The following NOX4 variants were observed in gnomAD, a reference collection of about 807,000 sequenced individuals.
NOX4 encodes the protein NADPH oxidase 4.
Under a neutral mutation model 87.6 loss-of-function variants are expected in NOX4, and 69 were observed. The observed-to-expected ratio is 0.79, with a 90% confidence interval of 0.65 to 0.96. The LOEUF (loss-of-function observed/expected upper bound fraction) is 0.96, where lower values mean the gene tolerates loss of function less well. NOX4 is among the 40% of genes least tolerant of loss of function. The pLI, the probability that NOX4 is intolerant of heterozygous loss-of-function variation, is 0.00. For missense variants in NOX4, 680 were observed against 681.5 expected (o/e 1.00, Z 0.02); for synonymous variants, 275 against 238.2 (o/e 1.15, Z -1.42).
chr11:89,326,996 T>C, intron 17 of NOX4, 120 bp from the exon 18 acceptor site: 1 of 879,696 alleles, frequency 1.1e-6, no homozygotes, highest in Non-Finnish European at 1.7e-6. Flanking sequence ...CTATTTTACA[T>C]ATTGAAAACA....
intron 17 of NOX4, among the ~76,000 whole-genome samples, chr11:89,335,445 CA>C (rs968148772): frequency 4.8e-4 from 73 of 151,808 alleles, no homozygotes; most frequent in African/African-American, 1.6e-3. Context: ...AAAAAAGGTA[CA>C]AAAAATGTGA....
intron 7 of NOX4, among the ~76,000 whole-genome samples, chr11:89,424,658 C>T (rs529785768): frequency 6.6e-6 from 1 of 151,756 alleles, no homozygotes; most frequent in South Asian, 2.1e-4. Context: ...AATTTGAGTT[C>T]ATATTAGTAA....
At chr11:89,511,817 C>T in the NOX4 span, among the ~76,000 whole-genome samples, 1 of 151,986 alleles carries the variant, frequency 6.6e-6, no homozygotes, top group Non-Finnish European at 1.5e-5. Flanking sequence ...AGCCACTCTC[C>T]AGATTTCTCT....
At chr11:89,536,127 C>CTGGTCCT in the NOX4 span, among the ~76,000 whole-genome samples, 863 of 142,282 alleles carry the variant, frequency 6.1e-3, 3 homozygotes, top group Non-Finnish European at 9.3e-3. Flanking sequence ...CTTTCTTGAT[C>CTGGTCCT]TGGTCCTTTT....
At chr11:89,523,680 A>C in the NOX4 span, among the ~76,000 whole-genome samples, 1 of 152,224 alleles carries the variant, frequency 6.6e-6, no homozygotes, top group Non-Finnish European at 1.5e-5. Context: ...ATGACTGTTC[A>C]TGGTGGCTTT....
intron 2 of NOX4, among the ~76,000 whole-genome samples, chr11:89,457,505 G>A (rs564281802): frequency 2.4e-4 from 36 of 152,206 alleles, no homozygotes; most frequent in African/African-American, 8.4e-4. Context: ...TCAGCCCCCC[G>A]AGTGAATCAG....
At chr11:89,550,097 T>G in the NOX4 span, among the ~76,000 whole-genome samples, 1 of 152,190 alleles carries the variant, frequency 6.6e-6, no homozygotes, top group African/African-American at 2.4e-5. Context: ...ATGCTGGAAC[T>G]AATTTACACT....
rs147517660 is a variant in NOX4 at position 89,473,267 on chromosome 11, C to T, written c.153+17191G>A. On this transcript the variant is annotated intron_variant, in intron 2 of 17. Transcript: ENST00000263317. ...TGGTTGACTAGATAACTGAAACAGG[C>T]CTTGTGTCTCCTACATCATGGGTTC... 2.6e-5 allele frequency among the ~76,000 whole-genome samples: 4 copies of T among 152,226 alleles called. No homozygotes were observed. The East Asian group carries it at 7.7e-4, about 29-fold the overall frequency.
chr11:89,409,349 G>C (rs1487182514), intron 8 of NOX4, among the ~76,000 whole-genome samples: 2 of 152,054 alleles, frequency 1.3e-5, no homozygotes, highest in Non-Finnish European at 2.9e-5. Context: ...ATGTGAAAAA[G>C]TATTTGGTCT....
At chr11:89,540,177 A>G in the NOX4 span, among the ~76,000 whole-genome samples, 1 of 152,206 alleles carries the variant, frequency 6.6e-6, no homozygotes, top group Non-Finnish European at 1.5e-5. Context: ...TATTCAAAAA[A>G]GAGAAAAAGA....
At chr11:89,523,497 T>A in the NOX4 span, among the ~76,000 whole-genome samples, 3 of 152,218 alleles carry the variant, frequency 2.0e-5, no homozygotes. Flanking sequence ...TGACCATATT[T>A]TACTGTGTAG....
chr11:89,579,574 A>C, the NOX4 span, among the ~76,000 whole-genome samples: 1 of 152,198 alleles, frequency 6.6e-6, no homozygotes, highest in Admixed American at 6.5e-5. Flanking sequence ...TAAAGAGTGA[A>C]TCTACCTGTA....
intron 5 of NOX4, 54 bp downstream of exon 5, chr11:89,444,081 C>T: frequency 6.8e-7 from 1 of 1,467,732 alleles, no homozygotes; most frequent in Non-Finnish European, 9.5e-7. Context: ...CACAGACCCT[C>T]ATTAGTCATC....
At chr11:89,440,661 A>C in intron 6 of NOX4, 27 bp downstream of exon 6, 1 of 1,513,664 alleles carries the variant, frequency 6.6e-7, no homozygotes. Context: ...CCTAAACCTA[A>C]AGAAAAGGCT....
intron 8 of NOX4, among the ~76,000 whole-genome samples, chr11:89,413,218 C>T (rs1025617360): frequency 3.3e-5 from 5 of 152,132 alleles, no homozygotes; most frequent in Non-Finnish European, 7.4e-5. Flanking sequence ...CCCTCATATA[C>T]ACTGTTGGTG....
intron 11 of NOX4, among the ~76,000 whole-genome samples, chr11:89,389,242 T>C (rs896798021): frequency 6.6e-6 from 1 of 152,126 alleles, no homozygotes; most frequent in Non-Finnish European, 1.5e-5. Context: ...GTCAATGACA[T>C]GTATGAAAAA....
intron 2 of NOX4, among the ~76,000 whole-genome samples, chr11:89,463,126 T>A (rs570435843): frequency 5.3e-5 from 8 of 152,056 alleles, no homozygotes; most frequent in African/African-American, 1.7e-4. Flanking sequence ...ATTCTGTCCA[T>A]TTAATAAAAA....
chr11:89,584,664 A>G, the NOX4 span, among the ~76,000 whole-genome samples: 2 of 152,180 alleles, frequency 1.3e-5, no homozygotes. Context: ...TTTATATTCT[A>G]AAAAGTACAG....
At chr11:89,419,761 C>T (rs1474604325) in intron 8 of NOX4, among the ~76,000 whole-genome samples, 3 of 151,676 alleles carry the variant, frequency 2.0e-5, no homozygotes, top group African/African-American at 4.8e-5. Context: ...CTTTTACTTC[C>T]AAAAAAGTAA....
Sources: allele counts gnomAD v4.1 joint callset (sites outside exome capture counted in the v4.1 genomes callset), GRCh38; gene constraint gnomAD v4.1.1; transcripts MANE v1.5; gene names NCBI Gene and HGNC (gene_info 2026-07-23, HGNC 2026-07-21).